Variants in TNR observed in about 807,000 individuals in gnomAD.
The protein encoded by TNR is tenascin R.
In TNR, 45 loss-of-function variants were observed where a neutral mutation model predicts 150.4. That is an observed-to-expected ratio of 0.30 (90% CI 0.24 to 0.38). The LOEUF (loss-of-function observed/expected upper bound fraction) is 0.38, where lower values mean the gene tolerates loss of function less well. Among genes scored for constraint, TNR ranks in the 10% least tolerant of loss-of-function variants. The probability of loss-of-function intolerance (pLI) is 1.00; values close to 1 mark genes in which losing one functional copy is unlikely to be tolerated. For missense variants in TNR, 1,544 were observed against 1,759.1 expected (o/e 0.88, Z 2.19); for synonymous variants, 687 against 678.4 (o/e 1.01, Z -0.20).
intron 1 of TNR, among the ~76,000 whole-genome samples, chr1:175,592,076 T>A (rs906007765): frequency 6.6e-6 from 1 of 152,228 alleles, no homozygotes. Flanking sequence ...CATGTAGTGA[T>A]CCTGACTAGT....
At chr1:175,709,325 ACACACACACACACACACG>A in intron 1 of TNR, among the ~76,000 whole-genome samples, 1 of 152,048 alleles carries the variant, frequency 6.6e-6, no homozygotes, top group Non-Finnish European at 1.5e-5. Flanking sequence ...ACACACACAC[ACACACACACACACACACG>A]CACTTCCAAC....
chr1:175,524,430 G>T (rs1016407039), intron 2 of TNR, among the ~76,000 whole-genome samples: 1 of 151,902 alleles, frequency 6.6e-6, no homozygotes, highest in Admixed American at 6.6e-5. Flanking sequence ...TTGTTTGTTT[G>T]TTTTAATGGA....
intron 2 of TNR, among the ~76,000 whole-genome samples, chr1:175,467,518 C>T (rs1657085282): frequency 2.0e-5 from 3 of 152,122 alleles, no homozygotes; most frequent in Admixed American, 2.0e-4. Flanking sequence ...ACCTTTCTAG[C>T]CGGGGGATGT....
At chr1:175,533,603 G>T (rs952069923) in intron 1 of TNR, among the ~76,000 whole-genome samples, 1 of 152,192 alleles carries the variant, frequency 6.6e-6, no homozygotes, top group African/African-American at 2.4e-5. Flanking sequence ...TTAATTAGCA[G>T]TTAATTAAGT....
In TNR at chr1:175,420,043, C is replaced by T. The variant is rs140822101; in HGVS notation, c.-63-13266G>A. 5.8e-3 allele frequency among the ~76,000 whole-genome samples: 876 copies of T among 152,302 alleles called. 5 individuals are homozygous for T. Among genetic ancestry groups the T allele is most frequent in the African/African-American group, 0.017 (716 of 41,566 alleles). On this transcript the variant is annotated intron_variant, in intron 2 of 22. Coordinates refer to ENST00000367674, the MANE Select transcript of TNR (RefSeq NM_003285.3). ...TCGCTGCCTCCCTGGGAGGCTGCCT[C>T]GGGCTGGCTGTGCCCCTTGGCTGAA...
chr1:175,442,355 G>A (rs1481912416), intron 2 of TNR, among the ~76,000 whole-genome samples: 1 of 152,190 alleles, frequency 6.6e-6, no homozygotes, highest in Non-Finnish European at 1.5e-5. Context: ...GGGGGCTTAA[G>A]TAGGAGCAAG....
At chr1:175,498,075 A>G (rs1428423094) in intron 2 of TNR, among the ~76,000 whole-genome samples, 6 of 148,404 alleles carry the variant, frequency 4.0e-5, no homozygotes, top group Admixed American at 2.0e-4. Context: ...AACAACAGCA[A>G]CAACAACAAC....
chr1:175,459,709 T>C (rs1482674372), intron 2 of TNR, among the ~76,000 whole-genome samples: 1 of 152,120 alleles, frequency 6.6e-6, no homozygotes, highest in African/African-American at 2.4e-5. Flanking sequence ...CCTGAGAAAG[T>C]CTGGCAGACA....
At chr1:175,411,572 T>C (rs1408449139) in intron 2 of TNR, among the ~76,000 whole-genome samples, 7 of 151,680 alleles carry the variant, frequency 4.6e-5, no homozygotes, top group Admixed American at 2.6e-4. Flanking sequence ...CTCTCCCAGC[T>C]GCTGGTGGCT....
chr1:175,317,165 T>C lies in TNR; in HGVS notation c.*6192A>G, dbSNP rs1406815916. The stretch of plus-strand genomic sequence containing the variant: ...AGTAAAGTAATATATGTAAAGCCCT[T>C]TGCACAGTATCTGGTAAATAGTGGG... On this transcript the variant is annotated 3_prime_UTR_variant, in exon 23 of 23. Transcript: ENST00000367674. The C allele has an allele frequency of 1.3e-5, 2 of 152,250 alleles. No homozygotes were observed. Among genetic ancestry groups the C allele is most frequent in the Non-Finnish European group, 2.9e-5 (2 of 68,054 alleles). 9.4% of individuals were successfully genotyped at this position (152,250 alleles called of 1,614,324 possible).
At chr1:175,326,731 A>C (rs946732960) in intron 21 of TNR, among the ~76,000 whole-genome samples, 1 of 152,084 alleles carries the variant, frequency 6.6e-6, no homozygotes, top group Admixed American at 6.6e-5. Context: ...GCAATGGCAC[A>C]ATCTTGGTTC....
chr1:175,336,671 T>C (rs961672451), intron 19 of TNR, among the ~76,000 whole-genome samples: 1 of 152,172 alleles, frequency 6.6e-6, no homozygotes, highest in Non-Finnish European at 1.5e-5. Flanking sequence ...GGAAACAGTG[T>C]CTCTCTTTTC....
chr1:175,365,316 T>C (rs1302482694), intron 11 of TNR, 37 bp from the exon 12 acceptor site: 1 of 1,558,546 alleles, frequency 6.4e-7, no homozygotes, highest in Non-Finnish European at 8.7e-7. Context: ...CTGAAACACG[T>C]GAGGAGATGG....
At chr1:175,364,855 A>C (rs1222920103) in intron 12 of TNR, among the ~76,000 whole-genome samples, 155 bp downstream of exon 12, 5 of 152,170 alleles carry the variant, frequency 3.3e-5, no homozygotes, top group Admixed American at 3.3e-4. Context: ...GCAGCACTGG[A>C]GGAAGTAGCT....
At chr1:175,731,030 GGAAGCTACCTCA>G (rs894757526) in intron 1 of TNR, among the ~76,000 whole-genome samples, 2 of 152,184 alleles carry the variant, frequency 1.3e-5, no homozygotes, top group Admixed American at 6.5e-5. Context: ...AAGCTACTAA[GGAAGCTACCTCA>G]GAACATATTG....
chr1:175,610,193 G>A (rs554982480), intron 1 of TNR, among the ~76,000 whole-genome samples: 30 of 152,210 alleles, frequency 2.0e-4, no homozygotes, highest in Non-Finnish European at 2.8e-4. Context: ...TCTCACACAT[G>A]GGAATGTTGA....
chr1:175,657,318 G>C (rs527266326), intron 1 of TNR, among the ~76,000 whole-genome samples: 1 of 152,160 alleles, frequency 6.6e-6, no homozygotes, highest in South Asian at 2.1e-4. Flanking sequence ...TTACACTGTT[G>C]GTGGGACAGT....
intron 2 of TNR, among the ~76,000 whole-genome samples, chr1:175,478,079 G>A (rs748620389): frequency 6.6e-6 from 1 of 152,216 alleles, no homozygotes; most frequent in African/African-American, 2.4e-5. Flanking sequence ...GCTGCAAATA[G>A]AGGGGCACAC....
intron 1 of TNR, among the ~76,000 whole-genome samples, chr1:175,708,461 G>A (rs1044827160): frequency 3.3e-5 from 5 of 152,162 alleles, no homozygotes; most frequent in South Asian, 2.1e-4. Context: ...CTCATCAAAC[G>A]TCTGTACCAT....
Sources: allele counts gnomAD v4.1 joint callset (sites outside exome capture counted in the v4.1 genomes callset), GRCh38; gene constraint gnomAD v4.1.1; transcripts MANE v1.5; gene names NCBI Gene and HGNC (gene_info 2026-07-23, HGNC 2026-07-21).